Variants in DNAAF11 observed in about 807,000 individuals in gnomAD.
The protein encoded by DNAAF11 is leucine rich repeat containing 6.
A neutral mutation model predicts 60.8 loss-of-function variants in DNAAF11; 45 were observed. The observed-to-expected ratio is 0.74, with a 90% CI of 0.58 to 0.95. The LOEUF (loss-of-function observed/expected upper bound fraction) is 0.95, where lower values mean the gene tolerates loss of function less well. DNAAF11 is among the 40% of genes least tolerant of loss of function. The pLI is 0.00. For synonymous variants in DNAAF11, 191 were observed against 183.5 expected (o/e 1.04, Z -0.33); for missense variants, 546 against 546.2 (o/e 1.00, Z 0.00).
chr8:132,648,619 T>G (rs568924639), intron 3 of DNAAF11, among the ~76,000 whole-genome samples: 2 of 152,338 alleles, frequency 1.3e-5, no homozygotes, highest in East Asian at 3.9e-4. Flanking sequence ...CCCCATTGTC[T>G]CAGCCAAAAA....
At chr8:132,674,123 G>GGAGGAGGAGGAGAAGGAGGAGGAA (rs1825485065) in intron 1 of DNAAF11, among the ~76,000 whole-genome samples, 2 of 125,096 alleles carry the variant, frequency 1.6e-5, no homozygotes, top group East Asian at 2.1e-4. Context: ...AGGAGGAGGA[G>GGAGGAGGAGGAGAAGGAGGAGGAA]GAGGAGGAGG....
chr8:132,692,747 T>G, the DNAAF11 span, among the ~76,000 whole-genome samples: 4 of 152,172 alleles, frequency 2.6e-5, no homozygotes, highest in African/African-American at 7.2e-5. Flanking sequence ...TGTTCCCAGG[T>G]CCATTCGCAA....
intron 3 of DNAAF11, among the ~76,000 whole-genome samples, chr8:132,641,461 C>G (rs1311536189): frequency 6.6e-6 from 1 of 152,028 alleles, no homozygotes; most frequent in Non-Finnish European, 1.5e-5. Context: ...TACTTTATCT[C>G]CCACACATAA....
chr8:132,650,963 A>C (rs1421163131), intron 3 of DNAAF11, among the ~76,000 whole-genome samples: 1 of 152,234 alleles, frequency 6.6e-6, no homozygotes, highest in Non-Finnish European at 1.5e-5. Flanking sequence ...CCTACAATTA[A>C]GAAATTAAAC....
the DNAAF11 span, among the ~76,000 whole-genome samples, chr8:132,696,967 A>G: frequency 6.6e-6 from 1 of 152,112 alleles, no homozygotes; most frequent in Non-Finnish European, 1.5e-5. Context: ...ACACAAAATA[A>G]TCTGTACAAC....
intron 2 of DNAAF11, among the ~76,000 whole-genome samples, chr8:132,660,486 G>C (rs192644379): frequency 3.5e-3 from 526 of 152,306 alleles, no homozygotes; most frequent in Non-Finnish European, 6.4e-3. Flanking sequence ...TTCTGACCCA[G>C]GTTTACCTGA....
chr8:132,622,035 T>C (rs1403656082), intron 7 of DNAAF11, among the ~76,000 whole-genome samples: 1 of 152,206 alleles, frequency 6.6e-6, no homozygotes, highest in Non-Finnish European at 1.5e-5. Flanking sequence ...GTCTGTATTT[T>C]AGCTACAAAA....
intron 7 of DNAAF11, among the ~76,000 whole-genome samples, chr8:132,621,951 C>T (rs1819806219): frequency 1.3e-5 from 2 of 152,118 alleles, no homozygotes; most frequent in South Asian, 4.1e-4. Flanking sequence ...CATGACAGAG[C>T]AAATGAAATG....
intron 3 of DNAAF11, among the ~76,000 whole-genome samples, chr8:132,638,774 C>A (rs552591168): frequency 3.3e-5 from 5 of 152,150 alleles, no homozygotes; most frequent in Non-Finnish European, 7.3e-5. Context: ...GACCCATCCA[C>A]CTTCATTACA....
At chr8:132,578,308 T>C (rs1814972907) in intron 11 of DNAAF11, 2 of 585,780 alleles carry the variant, frequency 3.4e-6, no homozygotes, top group East Asian at 5.9e-5. Flanking sequence ...GGATTTTAAT[T>C]ACTCATGGAT....
At chr8:132,674,127 G>GGAGGAGGAGGAGC in intron 1 of DNAAF11, among the ~76,000 whole-genome samples, 1 of 129,242 alleles carries the variant, frequency 7.7e-6, no homozygotes, top group African/African-American at 3.9e-5. Flanking sequence ...GGAGGAGGAG[G>GGAGGAGGAGGAGC]AGGAGGAGAA....
intron 10 of DNAAF11, among the ~76,000 whole-genome samples, chr8:132,600,306 A>C (rs1296214369): frequency 1.3e-5 from 2 of 152,240 alleles, no homozygotes; most frequent in African/African-American, 4.8e-5. Flanking sequence ...TTCCATGCTC[A>C]TGGATAGGAA....
chr8:132,700,367 TG>T, the DNAAF11 span, among the ~76,000 whole-genome samples: 1 of 152,026 alleles, frequency 6.6e-6, no homozygotes, highest in Non-Finnish European at 1.5e-5. Flanking sequence ...CAGCTGGCTC[TG>T]GGAGAAAAAG....
the DNAAF11 span, among the ~76,000 whole-genome samples, chr8:132,681,860 A>G: frequency 1.3e-5 from 2 of 152,136 alleles, no homozygotes; most frequent in Non-Finnish European, 2.9e-5. Flanking sequence ...AGGATATCCT[A>G]CTCCACCGTT....
intron 1 of DNAAF11, among the ~76,000 whole-genome samples, chr8:132,672,818 C>T (rs373562162): frequency 6.6e-6 from 1 of 152,282 alleles, no homozygotes; most frequent in East Asian, 1.9e-4. Context: ...CCGGGAAGCT[C>T]GTATCCTAGG....
chr8:132,671,591 T>C (rs1825195152), intron 1 of DNAAF11, among the ~76,000 whole-genome samples: 1 of 152,024 alleles, frequency 6.6e-6, no homozygotes, highest in Admixed American at 6.5e-5. Context: ...GATTAAAAAA[T>C]TTAGAGGAAA....
chr8:132,657,542 T>C lies in DNAAF11; in HGVS notation c.179-635A>G, dbSNP rs181578549. 1.2e-3 allele frequency among the ~76,000 whole-genome samples: 183 copies of C among 152,298 alleles called. 2 individuals carry two copies. The Middle Eastern group carries it at 0.014, about 11-fold the overall frequency. ...AGTTGGGTAAGATAATTGATTTCCT[T>C]ACTGTTCTACCACATTTAGTTGGGT... On this transcript the variant is annotated intron_variant, in intron 2 of 11. Transcript: ENST00000620350.
intron 1 of DNAAF11, among the ~76,000 whole-genome samples, chr8:132,665,464 C>T (rs1414379785): frequency 6.6e-6 from 1 of 151,722 alleles, no homozygotes; most frequent in Non-Finnish European, 1.5e-5. Flanking sequence ...TTTGGGAAGA[C>T]ACAAAAGTGC....
Position 132,669,166 on chromosome 8 carries a change from A to G in DNAAF11, c.10+6318T>C, listed in dbSNP as rs117425314. 7.7e-3 allele frequency among the ~76,000 whole-genome samples: 1,171 copies of G among 152,170 alleles called. 8 individuals are homozygous for G. Among genetic ancestry groups the G allele is most frequent in the Non-Finnish European group, 0.011 (729 of 67,990 alleles). On this transcript the variant is annotated intron_variant, in intron 1 of 11. Coordinates refer to ENST00000620350, the MANE Select transcript of DNAAF11 (RefSeq NM_012472.6). Reference sequence around the variant, plus strand: ...GATTTCTTTCCTACCCACCCCAACAATGCTCCCTAATAAACCTCCTGCATG... The same window carrying G: ...GATTTCTTTCCTACCCACCCCAACAGTGCTCCCTAATAAACCTCCTGCATG...
Sources: gnomAD v4.1 joint callset for allele counts (sites outside exome capture counted in the v4.1 genomes callset) on GRCh38, gnomAD v4.1.1 for gene constraint, MANE v1.5 for transcripts, NCBI Gene and HGNC (gene_info 2026-07-23, HGNC 2026-07-21) for gene names.